Variants in RERE observed in about 807,000 individuals in gnomAD.
The protein encoded by RERE is arginine-glutamic acid dipeptide repeats protein.
Under a neutral mutation model 146.1 loss-of-function variants are expected in RERE, and 40 were observed. The observed-to-expected ratio is 0.27, with a 90% CI of 0.21 to 0.36. RERE has a LOEUF of 0.36. Among genes scored for constraint, RERE ranks in the 10% least tolerant of loss-of-function variants. The pLI is 1.00. For synonymous variants in RERE, 1,003 were observed against 866.0 expected (o/e 1.16, Z -2.78); for missense variants, 1,933 against 2,138.7 (o/e 0.90, Z 1.90).
At chr1:8,501,560 C>G (rs1287899485) in intron 8 of RERE, among the ~76,000 whole-genome samples, 24 of 120,430 alleles carry the variant, frequency 2.0e-4, no homozygotes, top group South Asian at 2.7e-4. Context: ...CCGGTCGCCC[C>G]TACCGGGAAG....
intron 7 of RERE, among the ~76,000 whole-genome samples, chr1:8,510,759 A>ATC (rs1645324421): frequency 7.0e-6 from 1 of 143,534 alleles, no homozygotes; most frequent in African/African-American, 2.5e-5. Flanking sequence ...TCATTTCAGA[A>ATC]ACCTTCAGCC....
At chr1:8,394,118 C>G (rs1642974075) in intron 12 of RERE, among the ~76,000 whole-genome samples, 1 of 152,182 alleles carries the variant, frequency 6.6e-6, no homozygotes, top group Admixed American at 6.5e-5. Context: ...ACCAAATTAG[C>G]TGCCATTTCT....
At chr1:8,607,534 CTTTTTTTTT>C (rs1167501074) in intron 4 of RERE, among the ~76,000 whole-genome samples, 185 of 48,582 alleles carry the variant, frequency 3.8e-3, no homozygotes, top group African/African-American at 0.013. Context: ...ATATATATTT[CTTTTTTTTT>C]TTTTTTTTTT....
chr1:8,666,169 G>A (rs1638569471), intron 1 of RERE, among the ~76,000 whole-genome samples: 1 of 152,234 alleles, frequency 6.6e-6, no homozygotes, highest in South Asian at 2.1e-4. Flanking sequence ...GAAAAGAGCA[G>A]TCTAGGAACA....
chr1:8,571,593 A>T (rs1646221726), intron 4 of RERE, among the ~76,000 whole-genome samples: 1 of 152,242 alleles, frequency 6.6e-6, no homozygotes, highest in Non-Finnish European at 1.5e-5. Context: ...GGTTTACGTA[A>T]ATCAGTCTGT....
intron 4 of RERE, among the ~76,000 whole-genome samples, chr1:8,568,927 T>C (rs977673437): frequency 3.3e-5 from 5 of 152,170 alleles, no homozygotes; most frequent in African/African-American, 1.2e-4. Context: ...CACTGACAAA[T>C]ACTAAATGTC....
intron 6 of RERE, 30 bp downstream of exon 6, chr1:8,556,445 C>T (rs1274668530): frequency 1.5e-6 from 2 of 1,296,834 alleles, no homozygotes; most frequent in South Asian, 2.4e-5. Flanking sequence ...ACTCCTCCTT[C>T]ACATGGAAGA....
chr1:8,500,392 A>G (rs1342179897), intron 8 of RERE, among the ~76,000 whole-genome samples: 1 of 152,254 alleles, frequency 6.6e-6, no homozygotes, highest in Non-Finnish European at 1.5e-5. Context: ...AGAATTGATG[A>G]GTTGGAGACG....
chr1:8,551,151 A>C (rs867064845), intron 6 of RERE, among the ~76,000 whole-genome samples: 3,196 of 152,258 alleles, frequency 0.021, 116 homozygotes, highest in African/African-American at 0.074. Flanking sequence ...ACTCCTCCAA[A>C]TAGGAAGCAG....
intron 1 of RERE, among the ~76,000 whole-genome samples, chr1:8,735,275 C>T (rs965391955): frequency 6.6e-6 from 1 of 152,122 alleles, no homozygotes; most frequent in East Asian, 1.9e-4. Flanking sequence ...TTAAACCTTC[C>T]AGCAGTTAGC....
At chr1:8,786,217 GC>G (rs1641256409) in intron 1 of RERE, 6 of 891,042 alleles carry the variant, frequency 6.7e-6, no homozygotes, top group South Asian at 6.5e-5. Context: ...CTTCTAAGAA[GC>G]CTGTGGATCT....
At chr1:8,501,307 C>T (rs1318163268) in intron 8 of RERE, among the ~76,000 whole-genome samples, 1 of 117,920 alleles carries the variant, frequency 8.5e-6, no homozygotes, top group Admixed American at 7.9e-5. Flanking sequence ...CTCTGCCCGG[C>T]CAGCCGCCCC....
At chr1:8,500,938 C>T (rs1227168149) in intron 8 of RERE, among the ~76,000 whole-genome samples, 6 of 150,438 alleles carry the variant, frequency 4.0e-5, no homozygotes, top group East Asian at 2.0e-4. Context: ...GCCTGGCAAC[C>T]GCCCCGTCTG....
chr1:8,569,666 A>C (rs893333075), intron 4 of RERE, among the ~76,000 whole-genome samples: 1 of 152,210 alleles, frequency 6.6e-6, no homozygotes, highest in African/African-American at 2.4e-5. Flanking sequence ...CAGAGGCATG[A>C]AGACCGCTTG....
At chr1:8,721,135 G>C (rs1221402230) in intron 1 of RERE, among the ~76,000 whole-genome samples, 1 of 152,140 alleles carries the variant, frequency 6.6e-6, no homozygotes, top group African/African-American at 2.4e-5. Flanking sequence ...ACTGCCCTAG[G>C]CTGGTAAAAC....
intron 6 of RERE, among the ~76,000 whole-genome samples, chr1:8,544,253 A>C (rs1157431423): frequency 6.6e-6 from 1 of 152,234 alleles, no homozygotes; most frequent in Non-Finnish European, 1.5e-5. Flanking sequence ...ATTTTTAAAA[A>C]ACAAAAAGAA....
chr1:8,793,649 A>G (rs1270092602), intron 1 of RERE, among the ~76,000 whole-genome samples: 12 of 152,236 alleles, frequency 7.9e-5, no homozygotes. Flanking sequence ...GAGAAGAGGC[A>G]CTTAACCAGA....
At chr1:8,498,334 G>T (rs886115997) in intron 8 of RERE, among the ~76,000 whole-genome samples, 3 of 151,702 alleles carry the variant, frequency 2.0e-5, no homozygotes, top group Admixed American at 1.3e-4. Context: ...TTCCAGCCTG[G>T]GAGAGACAGA....
intron 2 of RERE, among the ~76,000 whole-genome samples, chr1:8,632,297 T>C (rs1412781525): frequency 6.6e-6 from 1 of 152,196 alleles, no homozygotes; most frequent in Non-Finnish European, 1.5e-5. Flanking sequence ...TCTTCTGGTG[T>C]CACATCCTGC....
Sources: gnomAD v4.1 joint callset for allele counts (sites outside exome capture counted in the v4.1 genomes callset) on GRCh38, gnomAD v4.1.1 for gene constraint, MANE v1.5 for transcripts, NCBI Gene and HGNC (gene_info 2026-07-23, HGNC 2026-07-21) for gene names.